The following PCNX1 variants were observed in gnomAD, a reference collection of about 807,000 sequenced individuals.
The protein encoded by PCNX1 is pecanex 1, also known as pecanex-like protein 1.
PCNX1 carries 78 observed loss-of-function variants against 242.2 expected under a neutral mutation model. The observed-to-expected ratio is 0.32, with a 90% CI of 0.27 to 0.39. The LOEUF (loss-of-function observed/expected upper bound fraction) is 0.39. Ranked by LOEUF, PCNX1 falls within the 10% of genes least tolerant of loss-of-function variation. The pLI is 1.00. For synonymous variants in PCNX1, 1,024 were observed against 1,032.9 expected, an observed-to-expected ratio of 0.99 and a Z score of 0.17; for missense variants, 2,581 against 2,856.5, an observed-to-expected ratio of 0.90 and a Z score of 2.20.
intron 2 of PCNX1, among the ~76,000 whole-genome samples, chr14:70,952,159 G>A (rs560464086): frequency 2.2e-4 from 33 of 152,130 alleles, no homozygotes; most frequent in Non-Finnish European, 3.8e-4. Flanking sequence ...AGAGTTCTTA[G>A]AATAATTCCT....
At chr14:71,026,660 A>C (rs765877240) in intron 14 of PCNX1, 112 bp from the exon 15 acceptor site, 2 of 478,826 alleles carry the variant, frequency 4.2e-6, no homozygotes, top group Non-Finnish European at 7.3e-6. Context: ...TCTTTTAAAA[A>C]TTGCTTAGTA....
At chr14:71,001,338 A>C (rs2059500935) in intron 8 of PCNX1, among the ~76,000 whole-genome samples, 1 of 152,164 alleles carries the variant, frequency 6.6e-6, no homozygotes, top group Non-Finnish European at 1.5e-5. Flanking sequence ...GCTTTGATAT[A>C]TACTGTTAAT....
rs148627150 is a variant in PCNX1 at position 70,934,434 on chromosome 14, T to C, written c.154-12481T>C. On this transcript the variant is annotated intron_variant, in intron 1 of 35. Coordinates refer to ENST00000304743, the MANE Select transcript of PCNX1 (RefSeq NM_014982.3). ...GTAAAAACACATAATATAAAATTTA[T>C]TATCTTAACCATTTAAAAAATTTTT... Among the ~76,000 whole-genome samples, 105 of 152,312 alleles carry C rather than the reference T, an allele frequency of 6.9e-4. 1 individual carries two copies. The East Asian group carries it at 0.015, about 21-fold the overall frequency.
chr14:70,953,489 A>G (rs1435266245), intron 2 of PCNX1, among the ~76,000 whole-genome samples: 1 of 150,960 alleles, frequency 6.6e-6, no homozygotes, highest in Non-Finnish European at 1.5e-5. Context: ...ATTTTTTTAT[A>G]TATTCATGCT....
chr14:70,927,496 G>A (rs1294010207), intron 1 of PCNX1, among the ~76,000 whole-genome samples: 1 of 152,016 alleles, frequency 6.6e-6, no homozygotes, highest in Non-Finnish European at 1.5e-5. Flanking sequence ...AATGATATTT[G>A]GGTTCTGGTA....
chr14:71,087,797 C>T (rs953064568), intron 28 of PCNX1, among the ~76,000 whole-genome samples: 1 of 152,044 alleles, frequency 6.6e-6, no homozygotes, highest in African/African-American at 2.4e-5. Context: ...GACTTAGCAG[C>T]TTCTTTCAAT....
In PCNX1 at chr14:71,071,896, G is replaced by A. The variant is rs56021333; in HGVS notation, c.4853-1649G>A. On this transcript the variant is annotated intron_variant, in intron 26 of 35. Coordinates refer to ENST00000304743, the MANE Select transcript of PCNX1 (RefSeq NM_014982.3). ...ATTGCCCAAATTTCAATATTGCTAT[G>A]TCTTAGGGAATGGGAAGGCCTGAAA... Among the ~76,000 whole-genome samples, 1,302 of 152,260 alleles carry A rather than the reference G, an allele frequency of 8.6e-3. 24 individuals carry two copies. Among genetic ancestry groups the A allele is most frequent in the African/African-American group, 0.03 (1,228 of 41,530 alleles).
chr14:71,084,719 G>C (rs1277692518), intron 28 of PCNX1, among the ~76,000 whole-genome samples: 1 of 152,166 alleles, frequency 6.6e-6, no homozygotes, highest in Admixed American at 6.5e-5. Context: ...AGCATCCCAG[G>C]TCAACTTCAG....
chr14:70,936,170 G>C (rs980782989), intron 1 of PCNX1, among the ~76,000 whole-genome samples: 1 of 151,904 alleles, frequency 6.6e-6, no homozygotes, highest in Non-Finnish European at 1.5e-5. Context: ...TAGGGTACAT[G>C]AGCACAACGT....
At chr14:70,936,125 T>C (rs553877861) in intron 1 of PCNX1, among the ~76,000 whole-genome samples, 26 of 152,298 alleles carry the variant, frequency 1.7e-4, no homozygotes, top group African/African-American at 6.0e-4. Context: ...AGGAATTTTA[T>C]TTTTATTTTT....
At chr14:71,026,962 CT>C in intron 15 of PCNX1, 80 bp downstream of exon 15, 1 of 622,272 alleles carries the variant, frequency 1.6e-6, no homozygotes, top group East Asian at 3.1e-5. Context: ...CATTAAAATG[CT>C]TTTCCAGTTT....
At chr14:71,068,502 G>GTA (rs1229390029) in intron 26 of PCNX1, among the ~76,000 whole-genome samples, 2 of 147,748 alleles carry the variant, frequency 1.4e-5, no homozygotes, top group East Asian at 2.0e-4. Context: ...ACATATATAT[G>GTA]TATATATATG....
chr14:70,982,078 A>G (rs1243752699), intron 6 of PCNX1, among the ~76,000 whole-genome samples: 1 of 152,246 alleles, frequency 6.6e-6, no homozygotes, highest in African/African-American at 2.4e-5. Context: ...AAGAAAAGTC[A>G]GATCTTTTCA....
At chr14:71,082,925 C>G (rs1030060549) in intron 28 of PCNX1, among the ~76,000 whole-genome samples, 2 of 152,126 alleles carry the variant, frequency 1.3e-5, no homozygotes, top group Non-Finnish European at 1.5e-5. Context: ...TTAGTTGATG[C>G]AGTTTCTTCA....
intron 5 of PCNX1, among the ~76,000 whole-genome samples, chr14:70,970,256 C>CTT (rs774345978): frequency 2.0e-5 from 3 of 151,316 alleles, no homozygotes; most frequent in Non-Finnish European, 4.4e-5. Flanking sequence ...GTCTCAGCTA[C>CTT]TTGGGAGGCT....
chr14:70,986,454 ATTG>A (rs2059005086), intron 6 of PCNX1, among the ~76,000 whole-genome samples: 2 of 152,202 alleles, frequency 1.3e-5, no homozygotes, highest in Admixed American at 6.5e-5. Flanking sequence ...AGCAAAAAAA[ATTG>A]TTTTCTTAAG....
chr14:71,069,264 T>A (rs1190016872), intron 26 of PCNX1, among the ~76,000 whole-genome samples: 1 of 152,158 alleles, frequency 6.6e-6, no homozygotes, highest in East Asian at 1.9e-4. Flanking sequence ...AAGATCAGAT[T>A]TGGGTGGGGA....
rs754919456 is a variant in PCNX1 at position 70,977,076 on chromosome 14, C to G, written c.739C>G (p.His247Asp). ...CAAAGTGAACCTGCCAAGTCATAAC[C>G]ACCACCACCATGTTGATCAGTCTCT... ...SDKVNLPSHN[H>D]HHHVDQSLSS... The change falls in exon 6 of 36, where the codon CAC (histidine) becomes GAC (aspartate). Residue 247 changes from histidine to aspartate, a missense_variant. Physicochemically the swap from His to Asp is moderately conservative, Grantham distance 81 (BLOSUM62 -1). Transcript: ENST00000304743. The G allele has an allele frequency of 6.2e-7, 1 of 1,613,918 alleles. No individual in the cohort carries two copies. The highest frequency in any genetic ancestry group is 8.5e-7 in the Non-Finnish European group (1 of 1,179,822).
chr14:70,988,505 C>T, intron 6 of PCNX1, 62 bp from the exon 7 acceptor site: 1 of 1,565,824 alleles, frequency 6.4e-7, no homozygotes, highest in Non-Finnish European at 8.7e-7. Flanking sequence ...GAAAGCCAGG[C>T]TCAGCTGCTA....
Sources: gnomAD v4.1 joint callset for allele counts (sites outside exome capture counted in the v4.1 genomes callset) on GRCh38, gnomAD v4.1.1 for gene constraint, MANE v1.5 for transcripts, NCBI Gene and HGNC (gene_info 2026-07-23, HGNC 2026-07-21) for gene names.